HKDC1: variants seen among roughly 807,000 people sequenced by gnomAD.
The protein encoded by HKDC1 is hexokinase HKDC1.
A neutral mutation model predicts 96.6 loss-of-function variants in HKDC1; 66 were observed. The observed-to-expected ratio is 0.68, with a 90% CI of 0.56 to 0.84. The LOEUF (loss-of-function observed/expected upper bound fraction) is 0.84. Among genes scored for constraint, HKDC1 ranks in the 40% least tolerant of loss-of-function variants. HKDC1 has a pLI of 0.00. For synonymous variants in HKDC1, 466 were observed against 473.1 expected (o/e 0.98, Z 0.20); for missense variants, 1,211 against 1,208.1 (o/e 1.00, Z -0.04).
chr10:69,253,209 C>T (rs1294938866), intron 12 of HKDC1, among the ~76,000 whole-genome samples: 3 of 152,110 alleles, frequency 2.0e-5, no homozygotes, highest in Non-Finnish European at 1.5e-5. Context: ...TTAGACTCCC[C>T]AGAGCTCCAG....
chr10:69,227,108 G>A (rs1303228486), intron 1 of HKDC1, 99 bp from the exon 2 acceptor site: 3 of 1,342,932 alleles, frequency 2.2e-6, no homozygotes, highest in Admixed American at 1.8e-5. Context: ...TGTCCCCAGA[G>A]TCAGGAATGC....
At position 69,248,616 on chromosome 10, in the gene HKDC1, C is replaced by G. The variant is rs766357881; in HGVS notation, c.1458C>G (p.Asp486Glu). ...LFQLTREQLV[D>E]VQAKMRAELE... ...AGCTGACCCGAGAGCAGCTCGTGGACGTGCAGGCCAAGATGCGGGCTGAGC... is the reference window on the plus strand; with the variant it reads ...AGCTGACCCGAGAGCAGCTCGTGGAGGTGCAGGCCAAGATGCGGGCTGAGC... Residue 486 changes from aspartate to glutamate, a missense_variant, in exon 10 of 18, where the codon GAC (aspartate) becomes GAG (glutamate). Transcript: ENST00000354624. The G allele has an allele frequency of 6.2e-7, 1 of 1,614,126 alleles. No individual in the cohort carries two copies. Among genetic ancestry groups the G allele is most frequent in the South Asian group, 1.1e-5 (1 of 91,076 alleles).
intron 1 of HKDC1, among the ~76,000 whole-genome samples, chr10:69,224,909 C>T (rs1274180673): frequency 1.3e-5 from 2 of 152,130 alleles, no homozygotes; most frequent in Non-Finnish European, 2.9e-5. Flanking sequence ...GTGCCTGGGA[C>T]GTGTGTCCCT....
intron 2 of HKDC1, among the ~76,000 whole-genome samples, chr10:69,231,886 TC>T (rs1167339155): frequency 2.6e-5 from 4 of 152,200 alleles, no homozygotes; most frequent in African/African-American, 9.7e-5. Context: ...CTCCCTGAAT[TC>T]CCTCACCAAA....
intron 15 of HKDC1, among the ~76,000 whole-genome samples, chr10:69,259,853 T>C (rs1369042812): frequency 6.6e-6 from 1 of 152,200 alleles, no homozygotes; most frequent in Non-Finnish European, 1.5e-5. Context: ...TCCACCCCCA[T>C]GATCCAGTCA....
At chr10:69,252,293 C>T (rs1843654682) in intron 12 of HKDC1, among the ~76,000 whole-genome samples, 1 of 152,032 alleles carries the variant, frequency 6.6e-6, no homozygotes, top group Non-Finnish European at 1.5e-5. Context: ...GGAAGGATTG[C>T]TTGAGGCCAG....
chr10:69,221,312 G>A (rs950410161), intron 1 of HKDC1, among the ~76,000 whole-genome samples: 1 of 152,114 alleles, frequency 6.6e-6, no homozygotes, highest in Admixed American at 6.6e-5. Context: ...GCATTATTTT[G>A]TCACTTTGCT....
rs970276548 is a variant in HKDC1 at position 69,253,614 on chromosome 10, G to A, written c.1836+2962G>A. 2.6e-5 allele frequency among the ~76,000 whole-genome samples: 4 copies of A among 152,208 alleles called. 1 individual carries two copies. The highest frequency in any genetic ancestry group is 9.7e-5 in the African/African-American group (4 of 41,450). On this transcript the variant is annotated intron_variant, in intron 12 of 17. Transcript: ENST00000354624. ...AACATGGTGAGGACTAAATGAGCTC[G>A]TGTGTGTAAAATGCATAGCGTGGGT... is the stretch of plus-strand genomic sequence containing the variant.
intron 14 of HKDC1, among the ~76,000 whole-genome samples, chr10:69,258,372 G>T (rs1003919618): frequency 6.6e-6 from 1 of 152,136 alleles, no homozygotes; most frequent in East Asian, 1.9e-4. Flanking sequence ...GCATTTGCTT[G>T]TCCAAGACTA....
chr10:69,243,245 A>G lies in HKDC1; in HGVS notation c.755A>G (p.Glu252Gly), dbSNP rs545087108. ...MSNIDLVEGDEGRMCINTEWG... is the reference protein window; with the variant it reads ...MSNIDLVEGDGGRMCINTEWG... ...AACATTGACCTGGTGGAGGGCGACG[A>G]GGGCAGGATGTGCATCAACACAGAG... is the stretch of plus-strand genomic sequence containing the variant. Residue 252 changes from glutamate to glycine, a missense_variant, in exon 7 of 18, where the codon GAG (glutamate) becomes GGG (glycine). Glu to Gly is a moderately conservative substitution (Grantham distance 98). Transcript: ENST00000354624. 1.2e-6 allele frequency: 2 copies of G among 1,614,150 alleles called. No individual in the cohort carries two copies. The highest frequency in any genetic ancestry group is 2.2e-5 in the South Asian group (2 of 91,080).
At chr10:69,246,982 GT>G (rs1186029000) in intron 8 of HKDC1, among the ~76,000 whole-genome samples, 1 of 152,248 alleles carries the variant, frequency 6.6e-6, no homozygotes, top group African/African-American at 2.4e-5. Context: ...GATTAAAAGT[GT>G]GGGTGCTAGA....
rs375676592 is a variant in HKDC1 at position 69,255,954 on chromosome 10, A to G, written c.1837-1082A>G. ...AACAAAAAAAACCTACTTTCTCAGT[A>G]TTATAAAAATCATATATGTTAATTT... On this transcript the variant is annotated intron_variant, in intron 12 of 17. Transcript: ENST00000354624. 4.0e-5 allele frequency among the ~76,000 whole-genome samples: 6 copies of G among 151,828 alleles called. No homozygotes were observed. In the East Asian group the frequency reaches 9.6e-4, roughly 24 times the overall value.
chr10:69,262,147 A>C (rs1224478092), intron 16 of HKDC1: 1 of 386,536 alleles, frequency 2.6e-6, no homozygotes, highest in Non-Finnish European at 5.2e-6. Flanking sequence ...ATTAGCTGGA[A>C]TACTTCTAGA....
intron 4 of HKDC1, among the ~76,000 whole-genome samples, chr10:69,235,930 T>C (rs561230078): frequency 1.9e-4 from 29 of 152,230 alleles, no homozygotes; most frequent in African/African-American, 6.3e-4. Flanking sequence ...TTCTAAGAGG[T>C]AGATATGATT....
chr10:69,252,697 C>T (rs1205486321), intron 12 of HKDC1, among the ~76,000 whole-genome samples: 1 of 151,026 alleles, frequency 6.6e-6, no homozygotes, highest in Non-Finnish European at 1.5e-5. Context: ...TGCCTGTGGT[C>T]CCAGCTACTG....
intron 16 of HKDC1, among the ~76,000 whole-genome samples, chr10:69,262,550 A>G (rs1028476446): frequency 6.6e-6 from 1 of 152,100 alleles, no homozygotes; most frequent in African/African-American, 2.4e-5. Flanking sequence ...GTGTTCATTC[A>G]TTTAATTCTC....
In HKDC1 at chr10:69,223,689, G is replaced by T. The variant is rs757535087; in HGVS notation, c.63+3191G>T. On this transcript the variant is annotated intron_variant, in intron 1 of 17. Coordinates refer to ENST00000354624, the MANE Select transcript of HKDC1 (RefSeq NM_025130.4). The stretch of plus-strand genomic sequence containing the variant: ...CAACCTCCGCCTCCAGGGCTCAAGC[G>T]ATTCTCCTGCCTCAGCCTCCTGAGT... Among the ~76,000 whole-genome samples, 4 of 146,406 alleles carry T rather than the reference G, an allele frequency of 2.7e-5. No individual in the cohort carries two copies. In the South Asian group the frequency reaches 8.6e-4, roughly 31 times the overall value.
chr10:69,252,288 G>T (rs1204520362), intron 12 of HKDC1, among the ~76,000 whole-genome samples: 2 of 152,046 alleles, frequency 1.3e-5, no homozygotes, highest in Non-Finnish European at 2.9e-5. Flanking sequence ...GACATGGAAG[G>T]ATTGCTTGAG....
chr10:69,231,536 C>A (rs1006770852), intron 2 of HKDC1, among the ~76,000 whole-genome samples: 2 of 152,188 alleles, frequency 1.3e-5, no homozygotes, highest in African/African-American at 4.8e-5. Context: ...CTTCAACACT[C>A]AGCTCTGTGT....
Sources: gnomAD v4.1 joint callset for allele counts (sites outside exome capture counted in the v4.1 genomes callset) on GRCh38, gnomAD v4.1.1 for gene constraint, MANE v1.5 for transcripts, NCBI Gene and HGNC (gene_info 2026-07-23, HGNC 2026-07-21) for gene names.